DGLUCY: variants seen among roughly 807,000 people sequenced by gnomAD.
The protein encoded by DGLUCY is D-glutamate cyclase, also known as D-glutamate cyclase, mitochondrial.
In DGLUCY, 58 loss-of-function variants were observed where a neutral mutation model predicts 58.5. The observed-to-expected ratio is 0.99, with a 90% confidence interval of 0.80 to 1.23. DGLUCY has a LOEUF of 1.23. Ranked by LOEUF, DGLUCY falls within the 50% of genes most tolerant of loss-of-function variation. DGLUCY has a pLI of 0.00. For synonymous variants in DGLUCY, 325 were observed against 314.1 expected, an observed-to-expected ratio of 1.03 and a Z score of -0.37; for missense variants, 779 against 784.7, an observed-to-expected ratio of 0.99 and a Z score of 0.09.
chr14:91,190,726 A>T (rs2049830766), intron 9 of DGLUCY, among the ~76,000 whole-genome samples: 1 of 151,976 alleles, frequency 6.6e-6, no homozygotes, highest in African/African-American at 2.4e-5. Flanking sequence ...GAGAAGTGGG[A>T]CGAGGGACAG....
intron 1 of DGLUCY, among the ~76,000 whole-genome samples, chr14:91,118,000 G>A (rs752291527): frequency 6.6e-6 from 1 of 151,468 alleles, no homozygotes; most frequent in East Asian, 1.9e-4. Context: ...TGGAAGCCAA[G>A]GGCCAAGGTT....
chr14:91,185,241 T>G (rs968449201), intron 8 of DGLUCY, among the ~76,000 whole-genome samples: 1 of 149,692 alleles, frequency 6.7e-6, no homozygotes. Context: ...AGTGCTGGGA[T>G]TACAGGTGTG....
chr14:91,111,497 G>A (rs1411395783), upstream of DGLUCY, among the ~76,000 whole-genome samples: 1 of 152,062 alleles, frequency 6.6e-6, no homozygotes, highest in East Asian at 1.9e-4. Flanking sequence ...TGACCAGGAT[G>A]GTCTCAATCT....
upstream of DGLUCY, among the ~76,000 whole-genome samples, chr14:91,113,539 G>A (rs576952026): frequency 5.9e-5 from 9 of 152,330 alleles, no homozygotes; most frequent in South Asian, 1.7e-3. Flanking sequence ...AGCAAGATAA[G>A]TGAGGAGGAA....
intron 13 of DGLUCY, chr14:91,223,656 C>CTT (rs558251801): frequency 4.4e-4 from 480 of 1,084,040 alleles, no homozygotes; most frequent in South Asian, 2.8e-3. Context: ...GATCAAACCA[C>CTT]TTTTTTTTTT....
chr14:91,166,720 A>G (rs934801976), intron 3 of DGLUCY, among the ~76,000 whole-genome samples: 1 of 152,090 alleles, frequency 6.6e-6, no homozygotes, highest in African/African-American at 2.4e-5. Flanking sequence ...CTGTAGTTCC[A>G]GCTACTTGGC....
chr14:91,089,463 T>G (rs2044273857), intron 1 of DGLUCY, among the ~76,000 whole-genome samples: 1 of 152,236 alleles, frequency 6.6e-6, no homozygotes, highest in Admixed American at 6.5e-5. Flanking sequence ...GTGCTTTATG[T>G]AAGTCTGTCG....
intron 13 of DGLUCY, among the ~76,000 whole-genome samples, chr14:91,221,616 A>C (rs1017029492): frequency 2.0e-5 from 3 of 151,922 alleles, no homozygotes; most frequent in Admixed American, 6.6e-5. Flanking sequence ...GGATGGATAG[A>C]TGGGTGAGCA....
At chr14:91,161,614 C>T (rs551932811) in intron 3 of DGLUCY, among the ~76,000 whole-genome samples, 1 of 152,240 alleles carries the variant, frequency 6.6e-6, no homozygotes, top group East Asian at 1.9e-4. Context: ...CGCCATGAGA[C>T]AGATTCCAAG....
chr14:91,200,098 G>A (rs1400385138), intron 11 of DGLUCY, among the ~76,000 whole-genome samples, 193 bp downstream of exon 11: 1 of 152,086 alleles, frequency 6.6e-6, no homozygotes, highest in East Asian at 1.9e-4. Context: ...GGAATTACAG[G>A]CATGCACCAC....
At chr14:91,155,662 G>A (rs192067142) in intron 1 of DGLUCY, among the ~76,000 whole-genome samples, 13 of 152,074 alleles carry the variant, frequency 8.5e-5, no homozygotes, top group African/African-American at 2.9e-4. Flanking sequence ...TGGGCGTGGT[G>A]GTGCTCACCT....
intron 1 of DGLUCY, among the ~76,000 whole-genome samples, chr14:91,147,479 C>T (rs961446791): frequency 1.3e-5 from 2 of 152,096 alleles, no homozygotes; most frequent in African/African-American, 2.4e-5. Flanking sequence ...GACTGAAAGA[C>T]CCTTTGAAAC....
intron 1 of DGLUCY, among the ~76,000 whole-genome samples, chr14:91,092,757 C>A (rs1268845365): frequency 6.6e-6 from 1 of 152,204 alleles, no homozygotes; most frequent in Non-Finnish European, 1.5e-5. Context: ...ATCCAGACAT[C>A]TCTCTGCGGC....
chr14:91,180,297 C>T (rs1566987766), intron 7 of DGLUCY, among the ~76,000 whole-genome samples: 1 of 151,812 alleles, frequency 6.6e-6, no homozygotes, highest in African/African-American at 2.4e-5. Flanking sequence ...TCGGGCTGGG[C>T]GTGGTGGCTC....
chr14:91,181,649 CTTTTGT>C (rs1302833392), intron 8 of DGLUCY, among the ~76,000 whole-genome samples: 1 of 149,428 alleles, frequency 6.7e-6, no homozygotes, highest in African/African-American at 2.5e-5. Context: ...CTCTTTCTTT[CTTTTGT>C]TTTCTTTCTT....
intron 1 of DGLUCY, among the ~76,000 whole-genome samples, chr14:91,067,415 A>G (rs1349988941): frequency 6.6e-6 from 1 of 152,220 alleles, no homozygotes; most frequent in Non-Finnish European, 1.5e-5. Context: ...CTTTGCATTT[A>G]TAGGAAGTAG....
chr14:91,071,697 G>A (rs897700872), intron 1 of DGLUCY, among the ~76,000 whole-genome samples: 19 of 151,730 alleles, frequency 1.3e-4, no homozygotes, highest in African/African-American at 2.9e-4. Context: ...GTGAAACCCC[G>A]TCTCTACTGA....
At chr14:91,205,047 G>A (rs1246740073) in intron 12 of DGLUCY, among the ~76,000 whole-genome samples, 1 of 152,186 alleles carries the variant, frequency 6.6e-6, no homozygotes, top group Non-Finnish European at 1.5e-5. Context: ...TAGCTGCAAT[G>A]ACCCTGCTCC....
intron 1 of DGLUCY, among the ~76,000 whole-genome samples, chr14:91,102,683 C>T (rs1388401432): frequency 6.7e-6 from 1 of 149,836 alleles, no homozygotes; most frequent in African/African-American, 2.5e-5. Flanking sequence ...TGTGCTCTAG[C>T]AGATTTGTGC....
Sources: gnomAD v4.1 joint callset for allele counts (sites outside exome capture counted in the v4.1 genomes callset) on GRCh38, gnomAD v4.1.1 for gene constraint, MANE v1.5 for transcripts, NCBI Gene and HGNC (gene_info 2026-07-23, HGNC 2026-07-21) for gene names.